GSE1: variants seen among roughly 807,000 people sequenced by gnomAD.
GSE1 encodes Gse1 coiled-coil protein, also known as genetic suppressor element 1.
In GSE1, 32 loss-of-function variants were observed where a neutral mutation model predicts 112.6. That is an observed-to-expected ratio of 0.28 (90% CI 0.21 to 0.38). GSE1 has a LOEUF of 0.38. Among genes scored for constraint, GSE1 ranks in the 10% least tolerant of loss-of-function variants. The pLI is 1.00. For synonymous variants in GSE1, 1,115 were observed against 735.6 expected (o/e 1.52, Z -8.35); for missense variants, 2,348 against 1,699.2 (o/e 1.38, Z -6.71).
intron 1 of GSE1, among the ~76,000 whole-genome samples, chr16:85,219,899 C>T (rs964228267): frequency 4.6e-5 from 7 of 152,214 alleles, no homozygotes; most frequent in Non-Finnish European, 7.3e-5. Flanking sequence ...GGTCTCCTGG[C>T]CCTGCAGGTG....
chr16:85,259,552 G>A (rs192349701), intron 1 of GSE1, among the ~76,000 whole-genome samples: 25 of 152,362 alleles, frequency 1.6e-4, no homozygotes, highest in Admixed American at 1.0e-3. Context: ...AGAGAGGGTG[G>A]GCAGCTGCAC....
intron 1 of GSE1, among the ~76,000 whole-genome samples, chr16:85,240,033 A>C (rs557759058): frequency 1.1e-4 from 16 of 152,370 alleles, no homozygotes; most frequent in African/African-American, 3.8e-4. Flanking sequence ...TCAAGGGCCT[A>C]GAGTGAGCCT....
intron 2 of GSE1, among the ~76,000 whole-genome samples, chr16:85,455,567 G>A (rs751825): frequency 0.047 from 7,089 of 152,288 alleles, 569 homozygotes; most frequent in African/African-American, 0.16. Context: ...AGGGCAAGCA[G>A]AGCCTCTGCT....
intron 1 of GSE1, among the ~76,000 whole-genome samples, chr16:85,628,088 G>C (rs534320013): frequency 3.9e-5 from 6 of 152,330 alleles, no homozygotes; most frequent in Non-Finnish European, 7.4e-5. Context: ...GGCCCAGGGG[G>C]ACCCCTCCAA....
intron 1 of GSE1, chr16:85,595,556 G>C (rs557718762): frequency 1.2e-4 from 18 of 152,294 alleles, no homozygotes; most frequent in African/African-American, 4.3e-4. Flanking sequence ...GCCTGTTGAG[G>C]AGCCTCTAGG....
chr16:85,282,359 A>C (rs975508003), intron 1 of GSE1, among the ~76,000 whole-genome samples: 1 of 152,126 alleles, frequency 6.6e-6, no homozygotes, highest in Admixed American at 6.5e-5. Flanking sequence ...CTTTAGATCA[A>C]TTTGCCACCG....
intron 1 of GSE1, among the ~76,000 whole-genome samples, chr16:85,338,312 G>A (rs922804152): frequency 6.6e-6 from 1 of 152,200 alleles, no homozygotes; most frequent in Non-Finnish European, 1.5e-5. Flanking sequence ...CTGCAATGGG[G>A]CCACCCTGAG....
intron 1 of GSE1, among the ~76,000 whole-genome samples, chr16:85,224,833 CAA>C (rs34148489): frequency 5.9e-4 from 63 of 107,456 alleles, no homozygotes; most frequent in African/African-American, 7.7e-4. Context: ...ACTAAAAATA[CAA>C]AAAAAAAAAA....
intron 1 of GSE1, among the ~76,000 whole-genome samples, chr16:85,188,615 A>C (rs902826291): frequency 6.6e-6 from 1 of 151,960 alleles, no homozygotes; most frequent in Non-Finnish European, 1.5e-5. Context: ...TAGCCTGGGC[A>C]ACATAGCAAG....
chr16:85,662,834 C>T (rs2052542333), intron 9 of GSE1, 147 bp from the exon 10 acceptor site: 1 of 615,130 alleles, frequency 1.6e-6, no homozygotes, highest in East Asian at 2.8e-5. Flanking sequence ...TGGTTTCCAC[C>T]TCGGTTGAAA....
chr16:85,487,099 C>T (rs1054634055), intron 2 of GSE1, among the ~76,000 whole-genome samples: 1 of 152,054 alleles, frequency 6.6e-6, no homozygotes, highest in African/African-American at 2.4e-5. Flanking sequence ...GGCTGCCGTG[C>T]CCCAGCGGAT....
chr16:85,315,372 C>T (rs149741000), intron 1 of GSE1, among the ~76,000 whole-genome samples: 157 of 152,266 alleles, frequency 1.0e-3, no homozygotes, highest in African/African-American at 3.6e-3. Context: ...AGATGGCAAA[C>T]AGGCAGGGAA....
intron 14 of GSE1, among the ~76,000 whole-genome samples, chr16:85,669,754 T>G (rs886663088): frequency 6.6e-6 from 1 of 152,232 alleles, no homozygotes; most frequent in Admixed American, 6.5e-5. Flanking sequence ...CTGTTCTGCG[T>G]AGGATTCATG....
At chr16:85,190,939 T>G (rs2074807230) in intron 1 of GSE1, among the ~76,000 whole-genome samples, 1 of 152,218 alleles carries the variant, frequency 6.6e-6, no homozygotes, top group South Asian at 2.1e-4. Context: ...GCTGCTTCTG[T>G]GTCAGTTCCA....
At chr16:85,464,130 A>C (rs1597832019) in intron 2 of GSE1, among the ~76,000 whole-genome samples, 2 of 145,280 alleles carry the variant, frequency 1.4e-5, no homozygotes, top group African/African-American at 2.6e-5. Context: ...CTGCCCGCCC[A>C]CCCCTCCTCT....
chr16:85,360,716 G>A (rs533113896), intron 2 of GSE1, among the ~76,000 whole-genome samples: 4 of 151,852 alleles, frequency 2.6e-5, no homozygotes, highest in African/African-American at 7.2e-5. Flanking sequence ...ACACACAGAC[G>A]AAAGCAGGCA....
chr16:85,483,181 A>G (rs967629086), intron 2 of GSE1, among the ~76,000 whole-genome samples: 3 of 152,356 alleles, frequency 2.0e-5, no homozygotes, highest in East Asian at 1.9e-4. Flanking sequence ...CCCATCCCCA[A>G]GACATCTCAC....
chr16:85,662,920 G>C lies in GSE1; in HGVS notation c.2261-61G>C. ...GCTCTGCACACATGAGGCCCTGCGG[G>C]CATGTCCACTGGACAGATGAAGGCT... On this transcript the variant is annotated intron_variant, in intron 9 of 15. Transcript: ENST00000253458. 27 of 1,171,098 alleles carry C rather than the reference G, an allele frequency of 2.3e-5. No homozygotes were observed. In the Middle Eastern group the frequency reaches 5.7e-4, roughly 25 times the overall value. 72.5% of individuals were successfully genotyped at this position (1,171,098 alleles called of 1,614,324 possible).
chr16:85,382,883 C>T (rs539247502), intron 2 of GSE1, among the ~76,000 whole-genome samples: 63 of 149,150 alleles, frequency 4.2e-4, no homozygotes, highest in African/African-American at 1.3e-3. Context: ...GCACACACAC[C>T]GTGCACACAC....
Sources: gnomAD v4.1 joint callset for allele counts (sites outside exome capture counted in the v4.1 genomes callset) on GRCh38, gnomAD v4.1.1 for gene constraint, MANE v1.5 for transcripts, NCBI Gene and HGNC (gene_info 2026-07-23, HGNC 2026-07-21) for gene names.